The following NEB variants were observed in gnomAD, a reference collection of about 807,000 sequenced individuals.
NEB encodes the protein nebulin, also known as nemaline myopathy type 2.
A neutral mutation model predicts 952.2 loss-of-function variants in NEB; 512 were observed. The ratio of observed to expected loss-of-function variants is 0.54; its 90% CI spans 0.50 to 0.58. The LOEUF (loss-of-function observed/expected upper bound fraction) is 0.58, where lower values mean the gene tolerates loss of function less well. Among genes scored for constraint, NEB ranks in the 20% least tolerant of loss-of-function variants. The pLI, the probability that NEB is intolerant of heterozygous loss-of-function variation, is 0.00. For synonymous variants in NEB, 2,900 were observed against 3,149.8 expected (o/e 0.92, Z 2.66); for missense variants, 8,428 against 9,231.1 (o/e 0.91, Z 3.56).
At chr2:151,614,959 G>A (rs1284808105) in intron 76 of NEB, among the ~76,000 whole-genome samples, 3 of 152,128 alleles carry the variant, frequency 2.0e-5, no homozygotes, top group Non-Finnish European at 4.4e-5. Context: ...TCCCAAAACT[G>A]TTTGACATTA....
intron 153 of NEB, among the ~76,000 whole-genome samples, chr2:151,521,222 G>C (rs1473279411): frequency 1.3e-5 from 2 of 152,138 alleles, no homozygotes; most frequent in African/African-American, 2.4e-5. Flanking sequence ...TGCCACATCA[G>C]AGAAAATGCA....
chr2:151,536,118 G>A (rs1038006015), intron 141 of NEB, among the ~76,000 whole-genome samples: 4 of 152,152 alleles, frequency 2.6e-5, no homozygotes, highest in Non-Finnish European at 4.4e-5. Context: ...ATATTGCCCA[G>A]GCTGGTCTCA....
chr2:151,703,057 G>A (rs892007228), intron 13 of NEB, among the ~76,000 whole-genome samples: 1 of 150,870 alleles, frequency 6.6e-6, no homozygotes, highest in Admixed American at 6.6e-5. Context: ...CAGGCCTGGT[G>A]GTGACAAAAT....
chr2:151,563,714 T>C lies in NEB; in HGVS notation c.18585A>G (p.Lys6195=). 6.2e-7 allele frequency: 1 copy of C among 1,613,460 alleles called. No individual in the cohort carries two copies. The highest frequency in any genetic ancestry group is 8.5e-7 in the Non-Finnish European group (1 of 1,179,416). Residue 6195 remains lysine, a synonymous_variant, in exon 119 of 182, where the codon AAA becomes AAG. Transcript: ENST00000397345. ...KHADLVNSEL[K]YKETYEKQKG... ...TCTGCTTCTCATATGTCTCTTTGTA[T>C]TTAAGCTGTAAAGTGGGTTAAACAT...
At chr2:151,568,958 A>G (rs1042781873) in intron 110 of NEB, among the ~76,000 whole-genome samples, 5 of 152,198 alleles carry the variant, frequency 3.3e-5, no homozygotes, top group Non-Finnish European at 7.3e-5. Context: ...TATATAATGT[A>G]TCATTATGTG....
At chr2:151,492,349 A>G (rs890252099) in intron 177 of NEB, 38 bp downstream of exon 177, 2 of 1,589,286 alleles carry the variant, frequency 1.3e-6, no homozygotes, top group African/African-American at 1.3e-5. Context: ...ACACATTCTG[A>G]CAGGCAGCCA....
At chr2:151,535,355 T>TAA (rs2092920195) in intron 142 of NEB, among the ~76,000 whole-genome samples, 1 of 152,176 alleles carries the variant, frequency 6.6e-6, no homozygotes, top group Non-Finnish European at 1.5e-5. Flanking sequence ...CAATATAGAT[T>TAA]GTGTAATATA....
intron 157 of NEB, 122 bp downstream of exon 157, chr2:151,516,337 C>A (rs1276712536): frequency 1.6e-6 from 1 of 615,062 alleles, no homozygotes; most frequent in Non-Finnish European, 2.9e-6. Flanking sequence ...TTAGTGATCA[C>A]ATGATAAAAA....
At chr2:151,620,347 G>GTA (rs71000481) in intron 72 of NEB, among the ~76,000 whole-genome samples, 3,370 of 47,678 alleles carry the variant, frequency 0.071, 122 homozygotes, top group Middle Eastern at 0.083. Flanking sequence ...GTATGTGTGT[G>GTA]TATATATATA....
Position 151,561,339 on chromosome 2 carries a change from A to G in NEB, c.18997-27T>C. On this transcript the variant is annotated intron_variant, in intron 121 of 181. Transcript: ENST00000397345. ...TGTGAAGAAAAACAAAAGTCATCAA[A>G]AATGGTAACATACAGGTCTGTCATC... 3 of 1,491,624 alleles carry G rather than the reference A, an allele frequency of 2.0e-6. No individual in the cohort carries two copies. In the South Asian group the frequency reaches 3.6e-5, roughly 18 times the overall value. The allele number at this position is 1,491,624 out of a possible 1,614,324, so 92.4% of individuals were successfully genotyped here. A position where few individuals can be genotyped will look rare whatever the true frequency, so the allele number is the denominator to read the frequency against.
Position 151,534,339 on chromosome 2 carries a change from T to A in NEB, c.21313-793A>T, listed in dbSNP as rs1021589939. The A allele has an allele frequency of 8.8e-6, 14 of 1,596,800 alleles. No homozygotes were observed. The highest frequency in any genetic ancestry group is 1.2e-5 in the Non-Finnish European group (14 of 1,165,848). ...TTTTTTCTGCTCAAACATCATAGCA[T>A]ATTATAGCAAGAGTACAACTTCAAG... On this transcript the variant is annotated intron_variant, in intron 142 of 181. Transcript: ENST00000397345.
intron 157 of NEB, among the ~76,000 whole-genome samples, chr2:151,515,438 C>G (rs1470090487): frequency 6.6e-6 from 1 of 152,102 alleles, no homozygotes; most frequent in East Asian, 1.9e-4. Context: ...GTCTCAAACT[C>G]CTGAGCTGAA....
At chr2:151,639,214 T>A in intron 63 of NEB, 66 bp downstream of exon 63, 1 of 1,238,856 alleles carries the variant, frequency 8.1e-7, no homozygotes, top group South Asian at 1.3e-5. Context: ...TTTGGTATCA[T>A]GTCATCATAG....
chr2:151,576,616 C>T (rs1299115051), intron 105 of NEB, among the ~76,000 whole-genome samples: 1 of 143,702 alleles, frequency 7.0e-6, no homozygotes, highest in Admixed American at 7.1e-5. Flanking sequence ...ACTACAAACT[C>T]CCCTTTCCAA....
intron 167 of NEB, among the ~76,000 whole-genome samples, chr2:151,502,533 C>CTGTT (rs1397533691): frequency 1.3e-5 from 2 of 151,942 alleles, no homozygotes; most frequent in African/African-American, 2.4e-5. Flanking sequence ...GAAACACCTA[C>CTGTT]TGTTATTAAA....
chr2:151,503,271 ACTTT>A lies in NEB; in HGVS notation c.23835+74_23835+77del, dbSNP rs370421594. The A allele has an allele frequency of 3.8e-4, 405 of 1,061,912 alleles. 1 individual carries two copies. In the African/African-American group the frequency reaches 5.8e-3, roughly 15 times the overall value. 65.8% of individuals were successfully genotyped at this position (1,061,912 alleles called of 1,614,324 possible). ...CACACAGAATTGCTGTTAAGATGTT[ACTTT>A]CTTTAAAAAAGATGGGTTATTGTGG... On this transcript the variant is annotated intron_variant, in intron 166 of 181. Coordinates refer to ENST00000397345, the MANE Select transcript of NEB (RefSeq NM_001164508.2).
intron 63 of NEB, among the ~76,000 whole-genome samples, chr2:151,638,233 G>A (rs2098798970): frequency 6.6e-6 from 1 of 152,214 alleles, no homozygotes; most frequent in Non-Finnish European, 1.5e-5. Context: ...AGTGACAGCT[G>A]CCAATGTATC....
At chr2:151,525,937 G>A (rs2085517213) in intron 150 of NEB, 21 bp downstream of exon 150, 1 of 1,585,254 alleles carries the variant, frequency 6.3e-7, no homozygotes, top group South Asian at 1.1e-5. Flanking sequence ...GCTGCCAAGA[G>A]ACCGGTGGTT....
chr2:151,503,838 A>G (rs780233929), intron 165 of NEB, among the ~76,000 whole-genome samples: 1 of 152,150 alleles, frequency 6.6e-6, no homozygotes, highest in Non-Finnish European at 1.5e-5. Context: ...AGGATACTCT[A>G]TTCCTTCAGG....
Sources: allele counts gnomAD v4.1 joint callset (sites outside exome capture counted in the v4.1 genomes callset), GRCh38; gene constraint gnomAD v4.1.1; transcripts MANE v1.5; gene names NCBI Gene and HGNC (gene_info 2026-07-23, HGNC 2026-07-21).